Variants in ENPP3 observed in about 807,000 individuals in gnomAD.
The protein encoded by ENPP3 is ectonucleotide pyrophosphatase/phosphodiesterase 3.
In ENPP3, 104 loss-of-function variants were observed where a neutral mutation model predicts 117.8. The observed-to-expected ratio is 0.88, with a 90% CI of 0.75 to 1.04. The LOEUF is 1.04. Among genes scored for constraint, ENPP3 ranks in the 50% least tolerant of loss-of-function variants. The probability of loss-of-function intolerance (pLI) is 0.00; values close to 1 mark genes in which losing one functional copy is unlikely to be tolerated. For missense variants in ENPP3, 1,026 were observed against 1,051.9 expected, an observed-to-expected ratio of 0.98 and a Z score of 0.34; for synonymous variants, 380 against 349.9, an observed-to-expected ratio of 1.09 and a Z score of -0.96.
At chr6:131,673,349 A>G (rs758291843) in intron 7 of ENPP3, among the ~76,000 whole-genome samples, 3 of 152,182 alleles carry the variant, frequency 2.0e-5, no homozygotes, top group Non-Finnish European at 4.4e-5. Flanking sequence ...ACACCATGGA[A>G]TATTATGCAG....
At chr6:131,661,541 C>A (rs1326541408) in intron 6 of ENPP3, among the ~76,000 whole-genome samples, 1 of 152,124 alleles carries the variant, frequency 6.6e-6, no homozygotes, top group Non-Finnish European at 1.5e-5. Flanking sequence ...ATCCTCCCAT[C>A]TCAGCCTCCC....
chr6:131,740,119 A>G (rs1339052825), intron 23 of ENPP3, 105 bp from the exon 24 acceptor site: 1 of 795,152 alleles, frequency 1.3e-6, no homozygotes, highest in Non-Finnish European at 1.8e-6. Context: ...AATTATAAGA[A>G]TTATTATTTT....
At chr6:131,650,698 G>GA (rs1275184851) in intron 3 of ENPP3, among the ~76,000 whole-genome samples, 4 of 152,186 alleles carry the variant, frequency 2.6e-5, no homozygotes, top group Non-Finnish European at 4.4e-5. Context: ...CTCCAAAAGA[G>GA]AATCCGCTCC....
intron 6 of ENPP3, among the ~76,000 whole-genome samples, chr6:131,664,826 G>A (rs1401831923): frequency 6.6e-6 from 1 of 152,048 alleles, no homozygotes; most frequent in Non-Finnish European, 1.5e-5. Flanking sequence ...TACCATCTAG[G>A]TTTGCTTAAG....
At chr6:131,734,999 A>T (rs59062874) in intron 21 of ENPP3, among the ~76,000 whole-genome samples, 1 of 152,182 alleles carries the variant, frequency 6.6e-6, no homozygotes, top group African/African-American at 2.4e-5. Context: ...TTAATACATC[A>T]ATGTTTGCCT....
chr6:131,640,179 G>C (rs1275379282), intron 1 of ENPP3, among the ~76,000 whole-genome samples: 1 of 152,110 alleles, frequency 6.6e-6, no homozygotes, highest in Non-Finnish European at 1.5e-5. Flanking sequence ...CACAGATAAG[G>C]TGTAAACCAA....
At chr6:131,680,025 G>A (rs987957705) in intron 11 of ENPP3, among the ~76,000 whole-genome samples, 2 of 152,188 alleles carry the variant, frequency 1.3e-5, no homozygotes, top group African/African-American at 4.8e-5. Flanking sequence ...AGTACAATAA[G>A]AAGCATTGAA....
Position 131,672,752 on chromosome 6 carries a change from AT to A in ENPP3, c.643-1405del, listed in dbSNP as rs529603029. Among the ~76,000 whole-genome samples, 878 of 151,546 alleles carry A rather than the reference AT, an allele frequency of 5.8e-3. 4 individuals are homozygous for A. Among genetic ancestry groups the A allele is most frequent in the Middle Eastern group, 0.018 (5 of 284 alleles). Reference sequence around the variant, plus strand: ...AATGCAATTAATTTACTATTTATATATTTTTATACATATATATGCATATATA... The same window carrying A: ...AATGCAATTAATTTACTATTTATATATTTTATACATATATATGCATATATA... On this transcript the variant is annotated intron_variant, in intron 7 of 24. Transcript: ENST00000357639.
intron 7 of ENPP3, among the ~76,000 whole-genome samples, chr6:131,673,060 A>T (rs1437707003): frequency 6.6e-6 from 1 of 152,200 alleles, no homozygotes; most frequent in Non-Finnish European, 1.5e-5. Flanking sequence ...GCTAACCATT[A>T]TTCTAATATG....
intron 8 of ENPP3, 137 bp downstream of exon 8, chr6:131,674,418 A>G: frequency 1.2e-6 from 1 of 816,470 alleles, no homozygotes. Flanking sequence ...AAGGTGTTTT[A>G]CCACTATTTG....
At chr6:131,722,944 C>T (rs1197306845) in intron 18 of ENPP3, among the ~76,000 whole-genome samples, 1 of 152,058 alleles carries the variant, frequency 6.6e-6, no homozygotes, top group Non-Finnish European at 1.5e-5. Flanking sequence ...ACTTCAGATC[C>T]CAGGAGACTT....
At chr6:131,660,695 A>G (rs1189681688) in intron 6 of ENPP3, among the ~76,000 whole-genome samples, 1 of 152,208 alleles carries the variant, frequency 6.6e-6, no homozygotes, top group Admixed American at 6.5e-5. Context: ...TACTGGCCAT[A>G]GCAGATGTCA....
intron 6 of ENPP3, among the ~76,000 whole-genome samples, chr6:131,668,325 G>C (rs1036770028): frequency 1.4e-5 from 2 of 141,966 alleles, no homozygotes; most frequent in African/African-American, 2.6e-5. Context: ...TGATTCTCCT[G>C]TCTCGCCCCC....
chr6:131,741,981 G>C (rs1023540997), intron 24 of ENPP3, among the ~76,000 whole-genome samples: 2 of 152,168 alleles, frequency 1.3e-5, no homozygotes, highest in African/African-American at 4.8e-5. Flanking sequence ...AGTGATGTAA[G>C]AGAGGGACAG....
chr6:131,693,758 G>A, intron 15 of ENPP3, 134 bp downstream of exon 15: 1 of 833,190 alleles, frequency 1.2e-6, no homozygotes, highest in South Asian at 1.7e-5. Context: ...CTTTTTGTAT[G>A]CTATTTAGCA....
At chr6:131,648,044 G>A (rs1245883414) in intron 2 of ENPP3, among the ~76,000 whole-genome samples, 6 of 151,772 alleles carry the variant, frequency 4.0e-5, no homozygotes, top group South Asian at 4.2e-4. Flanking sequence ...GCTTCATATC[G>A]TCAAATAACC....
intron 16 of ENPP3, 88 bp from the exon 17 acceptor site, chr6:131,720,204 G>A: frequency 4.0e-6 from 3 of 749,220 alleles, no homozygotes; most frequent in Non-Finnish European, 6.5e-6. Context: ...TAGGAGAGTA[G>A]TTACAGAAGG....
intron 14 of ENPP3, 43 bp downstream of exon 14, chr6:131,685,950 A>G (rs1311340172): frequency 4.8e-6 from 3 of 623,604 alleles, no homozygotes; most frequent in Non-Finnish European, 8.7e-6. Flanking sequence ...AAGTTAATGC[A>G]ATGACCTTAA....
chr6:131,649,438 C>T (rs1778216714), intron 2 of ENPP3, among the ~76,000 whole-genome samples: 1 of 152,206 alleles, frequency 6.6e-6, no homozygotes, highest in Non-Finnish European at 1.5e-5. Context: ...TCCTTAGCTT[C>T]ACTGATTTTT....
Sources: allele counts gnomAD v4.1 joint callset (sites outside exome capture counted in the v4.1 genomes callset), GRCh38; gene constraint gnomAD v4.1.1; transcripts MANE v1.5; gene names NCBI Gene and HGNC (gene_info 2026-07-23, HGNC 2026-07-21).